Variants in RGS7 observed in about 807,000 individuals in gnomAD.
RGS7 encodes regulator of G-protein signaling 7.
Under a neutral mutation model 81.1 loss-of-function variants are expected in RGS7, and 27 were observed. The ratio of observed to expected loss-of-function variants is 0.33; its 90% CI spans 0.25 to 0.46. RGS7 has a LOEUF of 0.46. RGS7 is among the 20% of genes least tolerant of loss of function. The probability of loss-of-function intolerance (pLI) is 1.00; values close to 1 mark genes in which losing one functional copy is unlikely to be tolerated. For missense variants in RGS7, 396 were observed against 607.4 expected (o/e 0.65, Z 3.66); for synonymous variants, 208 against 207.7 (o/e 1.00, Z -0.01).
intron 2 of RGS7, among the ~76,000 whole-genome samples, chr1:241,302,121 G>A (rs187624911): frequency 2.4e-3 from 358 of 152,324 alleles, no homozygotes; most frequent in Non-Finnish European, 3.6e-3. Context: ...TTATCTGGGG[G>A]AAAGTATTCT....
intron 4 of RGS7, among the ~76,000 whole-genome samples, chr1:240,943,759 C>T (rs1677997587): frequency 6.6e-6 from 1 of 152,142 alleles, no homozygotes; most frequent in Non-Finnish European, 1.5e-5. Context: ...GCATGCTCCA[C>T]ACGCTAGGTT....
At chr1:241,111,061 A>G (rs2065481239) in intron 2 of RGS7, among the ~76,000 whole-genome samples, 1 of 152,210 alleles carries the variant, frequency 6.6e-6, no homozygotes, top group African/African-American at 2.4e-5. Flanking sequence ...TAGATTTAAA[A>G]TAGCTTTGGA....
Position 240,802,332 on chromosome 1 carries a change from T to C in RGS7, c.1359+572A>G, listed in dbSNP as rs558750298. On this transcript the variant is annotated intron_variant, in intron 16 of 18. Transcript: ENST00000440928. ...ATTGATTATTAACATTGTTGAATAA[T>C]GAGGTCTACTACAATACCCCCATAA... 8.5e-5 allele frequency among the ~76,000 whole-genome samples: 13 copies of C among 152,304 alleles called. No individual in the cohort carries two copies. The South Asian group carries it at 1.9e-3, about 22-fold the overall frequency.
chr1:241,214,134 T>A (rs906245989), intron 2 of RGS7, among the ~76,000 whole-genome samples: 2 of 152,194 alleles, frequency 1.3e-5, no homozygotes, highest in African/African-American at 4.8e-5. Flanking sequence ...TAGATCTAAT[T>A]TTCTATCTGG....
intron 3 of RGS7, among the ~76,000 whole-genome samples, chr1:241,016,864 G>C (rs544981380): frequency 6.6e-6 from 1 of 152,108 alleles, no homozygotes; most frequent in African/African-American, 2.4e-5. Context: ...TCTATCATCT[G>C]TCCACTTGTT....
At chr1:241,206,999 C>T (rs532575014) in intron 2 of RGS7, among the ~76,000 whole-genome samples, 32 of 109,728 alleles carry the variant, frequency 2.9e-4, no homozygotes, top group South Asian at 2.4e-3. Context: ...GATGGAGTCT[C>T]GCTCTGTTGC....
chr1:240,801,391 T>C (rs898686669), intron 17 of RGS7, 64 bp downstream of exon 17: 3 of 1,084,266 alleles, frequency 2.8e-6, no homozygotes, highest in African/African-American at 1.6e-5. Context: ...GGGCTAGAAA[T>C]AGGGAAATTG....
At chr1:241,054,100 A>T (rs1269741939) in intron 3 of RGS7, among the ~76,000 whole-genome samples, 2 of 152,214 alleles carry the variant, frequency 1.3e-5, no homozygotes. Context: ...TAATGGCCTG[A>T]CAGTAATAAA....
chr1:241,071,228 T>C (rs1234849099), intron 3 of RGS7, among the ~76,000 whole-genome samples: 1 of 152,170 alleles, frequency 6.6e-6, no homozygotes. Flanking sequence ...AGAGACAGCA[T>C]GTCTTGCTGG....
intron 9 of RGS7, among the ~76,000 whole-genome samples, chr1:240,834,184 C>A (rs1014465544): frequency 2.0e-5 from 3 of 152,180 alleles, no homozygotes; most frequent in Non-Finnish European, 2.9e-5. Flanking sequence ...CTCCTCCTCC[C>A]GACCCATCTA....
At chr1:241,282,715 TTTA>T (rs1455387519) in intron 2 of RGS7, among the ~76,000 whole-genome samples, 1 of 152,018 alleles carries the variant, frequency 6.6e-6, no homozygotes, top group East Asian at 1.9e-4. Flanking sequence ...GTAAATGTCC[TTTA>T]TTAAGTTGAA....
intron 3 of RGS7, among the ~76,000 whole-genome samples, chr1:241,041,142 A>G (rs1280340375): frequency 6.6e-6 from 1 of 152,208 alleles, no homozygotes; most frequent in East Asian, 1.9e-4. Flanking sequence ...ATGAACTGAA[A>G]AAAGACCTAC....
chr1:240,986,964 G>A (rs969338091), intron 3 of RGS7, among the ~76,000 whole-genome samples: 4 of 152,212 alleles, frequency 2.6e-5, no homozygotes, highest in Admixed American at 2.6e-4. Flanking sequence ...GGATCTGAAC[G>A]GCAAACGAGC....
At chr1:241,310,462 AGT>A (rs375855618) in intron 2 of RGS7, among the ~76,000 whole-genome samples, 89 of 97,428 alleles carry the variant, frequency 9.1e-4, no homozygotes, top group Non-Finnish European at 1.6e-3. Context: ...TGTGTGTGAG[AGT>A]GTGTGTGTCT....
intron 3 of RGS7, among the ~76,000 whole-genome samples, chr1:241,062,717 A>G (rs1211703233): frequency 6.6e-6 from 1 of 152,210 alleles, no homozygotes; most frequent in Non-Finnish European, 1.5e-5. Context: ...TATAAATACT[A>G]AAGTGTGCTC....
At position 241,144,088 on chromosome 1, in the gene RGS7, G is replaced by A. The variant is rs2068120260; in HGVS notation, c.79-45326C>T. Among the ~76,000 whole-genome samples the A allele has an allele frequency of 1.3e-5, 2 of 152,082 alleles. No individual in the cohort carries two copies. Among genetic ancestry groups the A allele is most frequent in the African/African-American group, 4.8e-5 (2 of 41,410 alleles). Reference sequence around the variant, plus strand: ...ATAGCCGCCTGAGTGGACTAAGGCAGTAATGTAAAGATTTTACTAGCTTTT... The same window carrying A: ...ATAGCCGCCTGAGTGGACTAAGGCAATAATGTAAAGATTTTACTAGCTTTT... On this transcript the variant is annotated intron_variant, in intron 2 of 18. Transcript: ENST00000440928. This position sits in a 1 kb window ranked among gnomAD's most constrained non-coding sequence, Gnocchi z 4.7.
intron 2 of RGS7, among the ~76,000 whole-genome samples, chr1:241,105,054 G>C (rs2065015573): frequency 6.6e-6 from 1 of 152,146 alleles, no homozygotes; most frequent in Non-Finnish European, 1.5e-5. Flanking sequence ...ATCAGCATCA[G>C]AAATAGTGAC....
intron 4 of RGS7, among the ~76,000 whole-genome samples, chr1:240,967,616 C>T (rs1023227547): frequency 2.0e-5 from 3 of 150,946 alleles, no homozygotes; most frequent in Non-Finnish European, 4.4e-5. Flanking sequence ...CTTCACAGGC[C>T]GCTGAGGGCA....
chr1:241,306,698 C>A (rs905976084), intron 2 of RGS7, among the ~76,000 whole-genome samples: 1 of 151,696 alleles, frequency 6.6e-6, no homozygotes, highest in African/African-American at 2.4e-5. Flanking sequence ...CTTACACACA[C>A]ATACACCCTT....
Sources: gnomAD v4.1 joint callset for allele counts (sites outside exome capture counted in the v4.1 genomes callset) on GRCh38, gnomAD v4.1.1 for gene constraint, Gnocchi (gnomAD v3.1) non-coding constraint, MANE v1.5 for transcripts, NCBI Gene and HGNC (gene_info 2026-07-23, HGNC 2026-07-21) for gene names.